The following LRRC4C variants were observed in gnomAD, a reference collection of about 807,000 sequenced individuals.
LRRC4C encodes the protein leucine-rich repeat-containing protein 4C.
A neutral mutation model predicts 33.6 loss-of-function variants in LRRC4C; 5 were observed. That is an observed-to-expected ratio of 0.15 (90% confidence interval 0.08 to 0.31). The LOEUF is 0.31. Among genes scored for constraint, LRRC4C ranks in the 10% least tolerant of loss-of-function variants. The pLI is 1.00. For missense variants in LRRC4C, 560 were observed against 796.7 expected (o/e 0.70, Z 3.58); for synonymous variants, 329 against 302.0 (o/e 1.09, Z -0.93).
chr11:40,491,317 T>C (rs1954140842), intron 3 of LRRC4C, among the ~76,000 whole-genome samples: 1 of 152,122 alleles, frequency 6.6e-6, no homozygotes, highest in Non-Finnish European at 1.5e-5. Flanking sequence ...GGAGAAGCCA[T>C]GTTGATTAGC....
chr11:40,304,258 A>G (rs1412321092), intron 4 of LRRC4C, among the ~76,000 whole-genome samples: 3 of 152,194 alleles, frequency 2.0e-5, no homozygotes, highest in Admixed American at 6.5e-5. Flanking sequence ...TTAAGCTTCA[A>G]GTCATAGGAG....
In LRRC4C at chr11:41,202,525, T is replaced by G. The variant is rs961550329; in HGVS notation, c.-496+256906A>C. 4.6e-5 allele frequency among the ~76,000 whole-genome samples: 7 copies of G among 152,292 alleles called. No individual in the cohort carries two copies. The South Asian group carries it at 1.2e-3, about 27-fold the overall frequency. ...TTACATACATTATCTTAGGAATCTT[T>G]ACATGAGCCCTAAAATAAAGAAAAC... On this transcript the variant is annotated intron_variant, in intron 1 of 6. Coordinates refer to ENST00000528697, the MANE Select transcript of LRRC4C (RefSeq NM_001258419.2).
In LRRC4C at chr11:41,279,423, CACA is replaced by C. The variant is rs1565542368; in HGVS notation, c.-496+180005_-496+180007del. Reference sequence around the variant, plus strand: ...ACACACACACACACACACACACACACACACACCGTGGCAATCACTGCCTGCAAT... The same window carrying C: ...ACACACACACACACACACACACACACCACCGTGGCAATCACTGCCTGCAAT... On this transcript the variant is annotated intron_variant, in intron 1 of 6. Coordinates refer to ENST00000528697, the MANE Select transcript of LRRC4C (RefSeq NM_001258419.2). Among the ~76,000 whole-genome samples the C allele has an allele frequency of 3.4e-4, 48 of 142,214 alleles. 1 individual carries two copies. In the East Asian group the frequency reaches 7.7e-3, roughly 23 times the overall value. 93.3% of individuals were successfully genotyped at this position (142,214 alleles called of 152,430 possible).
intron 2 of LRRC4C, among the ~76,000 whole-genome samples, chr11:40,740,108 T>A (rs1434269413): frequency 1.3e-5 from 2 of 152,072 alleles, no homozygotes; most frequent in Non-Finnish European, 2.9e-5. Context: ...CTATTGGGAA[T>A]AATGATGCAA....
chr11:40,994,498 C>T (rs922321244), intron 1 of LRRC4C, among the ~76,000 whole-genome samples: 1 of 152,078 alleles, frequency 6.6e-6, no homozygotes, highest in South Asian at 2.1e-4. Flanking sequence ...GAATTTCTGG[C>T]TTGGAGGTTC....
At chr11:41,452,154 A>G (rs1564961773) in intron 1 of LRRC4C, among the ~76,000 whole-genome samples, 1 of 152,236 alleles carries the variant, frequency 6.6e-6, no homozygotes, top group South Asian at 2.1e-4. Context: ...CAAGGTATAT[A>G]TGGTCACAGG....
At chr11:40,585,393 C>CT (rs1194566711) in intron 3 of LRRC4C, among the ~76,000 whole-genome samples, 2 of 151,746 alleles carry the variant, frequency 1.3e-5, no homozygotes, top group African/African-American at 4.8e-5. Flanking sequence ...CAGTGAGAAA[C>CT]TAAGTAATAT....
At chr11:40,201,340 C>T (rs920883199) in intron 5 of LRRC4C, among the ~76,000 whole-genome samples, 2 of 152,130 alleles carry the variant, frequency 1.3e-5, no homozygotes, top group African/African-American at 4.8e-5. Flanking sequence ...CTCACTGGCT[C>T]ACTGTTTTGT....
chr11:41,171,865 G>A (rs1263550115), intron 1 of LRRC4C, among the ~76,000 whole-genome samples: 9 of 151,906 alleles, frequency 5.9e-5, no homozygotes, highest in Non-Finnish European at 1.2e-4. Context: ...CAAGCAGACT[G>A]AAAAGGCATG....
At chr11:40,161,513 G>C (rs1482005280) in intron 5 of LRRC4C, among the ~76,000 whole-genome samples, 1 of 152,144 alleles carries the variant, frequency 6.6e-6, no homozygotes, top group Admixed American at 6.5e-5. Flanking sequence ...TAGCACTTTG[G>C]GAGGCCGAGG....
intron 4 of LRRC4C, among the ~76,000 whole-genome samples, chr11:40,288,478 T>C (rs557678015): frequency 1.3e-5 from 2 of 152,294 alleles, no homozygotes; most frequent in African/African-American, 2.4e-5. Context: ...TAACAATTAC[T>C]ACAGTAGAAC....
intron 3 of LRRC4C, among the ~76,000 whole-genome samples, chr11:40,643,538 T>C (rs1942249196): frequency 6.6e-6 from 1 of 152,120 alleles, no homozygotes; most frequent in Admixed American, 6.5e-5. Flanking sequence ...ACCATCCCTA[T>C]ATGTTGGGAT....
At chr11:40,125,749 A>G (rs143160284) in intron 6 of LRRC4C, among the ~76,000 whole-genome samples, 3 of 152,332 alleles carry the variant, frequency 2.0e-5, no homozygotes, top group South Asian at 4.1e-4. Context: ...CTGCAAAATC[A>G]TTTATCTGGA....
At chr11:40,689,729 A>C (rs1945137348) in intron 2 of LRRC4C, among the ~76,000 whole-genome samples, 1 of 152,126 alleles carries the variant, frequency 6.6e-6, no homozygotes, top group South Asian at 2.1e-4. Flanking sequence ...ATGACTGCAT[A>C]AACTTTTCCC....
intron 1 of LRRC4C, among the ~76,000 whole-genome samples, chr11:40,938,284 G>T (rs1957994701): frequency 6.6e-6 from 1 of 152,092 alleles, no homozygotes; most frequent in African/African-American, 2.4e-5. Context: ...TTGGATGAGT[G>T]CACCGCAATG....
chr11:40,945,186 C>T (rs1352210540), intron 1 of LRRC4C, among the ~76,000 whole-genome samples: 10 of 147,236 alleles, frequency 6.8e-5, no homozygotes, highest in Non-Finnish European at 1.0e-4. Context: ...CCCACCACCA[C>T]GCCCGGCTAA....
At chr11:41,331,386 C>T (rs115894322) in intron 1 of LRRC4C, among the ~76,000 whole-genome samples, 2,898 of 152,266 alleles carry the variant, frequency 0.019, 83 homozygotes, top group African/African-American at 0.067. Context: ...CCACACTTGG[C>T]ATCTGCCACC....
chr11:41,101,802 C>T (rs2135620749), intron 1 of LRRC4C, among the ~76,000 whole-genome samples: 3 of 151,668 alleles, frequency 2.0e-5, no homozygotes, highest in Middle Eastern at 3.4e-3. Context: ...TACATCACAG[C>T]CATAAAAAAA....
intron 5 of LRRC4C, among the ~76,000 whole-genome samples, chr11:40,165,479 A>T (rs1350935840): frequency 6.6e-6 from 1 of 152,170 alleles, no homozygotes; most frequent in African/African-American, 2.4e-5. Flanking sequence ...CTTTTATAAA[A>T]ATTAGTGAGG....
Sources: allele counts gnomAD v4.1 joint callset (sites outside exome capture counted in the v4.1 genomes callset), GRCh38; gene constraint gnomAD v4.1.1; transcripts MANE v1.5; gene names NCBI Gene and HGNC (gene_info 2026-07-23, HGNC 2026-07-21).